The following SCAPER variants were observed in gnomAD, a reference collection of about 807,000 sequenced individuals.
SCAPER encodes S-phase cyclin A associated protein in the ER, also known as S phase cyclin A-associated protein in the endoplasmic reticulum.
Under a neutral mutation model 182.2 loss-of-function variants are expected in SCAPER, and 98 were observed. That is an observed-to-expected ratio of 0.54 (90% CI 0.46 to 0.64). SCAPER has a LOEUF of 0.64. Ranked by LOEUF, SCAPER falls within the 30% of genes least tolerant of loss-of-function variation. The probability of loss-of-function intolerance (pLI) is 0.00; values close to 1 mark genes in which losing one functional copy is unlikely to be tolerated. For synonymous variants in SCAPER, 605 were observed against 564.6 expected (o/e 1.07, Z -1.01); for missense variants, 1,432 against 1,690.0 (o/e 0.85, Z 2.68).
intron 25 of SCAPER, among the ~76,000 whole-genome samples, chr15:76,450,458 C>T (rs574416557): frequency 3.3e-5 from 5 of 152,076 alleles, no homozygotes; most frequent in Middle Eastern, 3.4e-3. Context: ...TATTTTTTTC[C>T]CTTCTAAATC....
intron 24 of SCAPER, among the ~76,000 whole-genome samples, chr15:76,477,591 GA>G (rs996738007): frequency 6.6e-6 from 1 of 151,552 alleles, no homozygotes; most frequent in African/African-American, 2.4e-5. Flanking sequence ...CTGCCCTCCA[GA>G]AAAAAAATTG....
At chr15:76,827,515 T>C (rs759771327) in intron 5 of SCAPER, among the ~76,000 whole-genome samples, 10 of 152,036 alleles carry the variant, frequency 6.6e-5, no homozygotes, top group African/African-American at 2.4e-4. Context: ...ATAGAATTGA[T>C]CCAAGTTTTA....
intron 21 of SCAPER, among the ~76,000 whole-genome samples, chr15:76,657,413 T>C (rs1373762259): frequency 6.6e-6 from 1 of 151,682 alleles, no homozygotes; most frequent in Non-Finnish European, 1.5e-5. Context: ...ATAAAAAGCC[T>C]ATGAACCAGA....
intron 26 of SCAPER, among the ~76,000 whole-genome samples, chr15:76,424,695 G>T (rs2046298388): frequency 6.6e-6 from 1 of 152,204 alleles, no homozygotes; most frequent in African/African-American, 2.4e-5. Flanking sequence ...GTTAGTTGAT[G>T]TAGTTTCTTC....
At chr15:76,397,474 C>CTTTTTTTTTTT (rs71143321) in intron 27 of SCAPER, among the ~76,000 whole-genome samples, 1 of 71,540 alleles carries the variant, frequency 1.4e-5, no homozygotes, top group African/African-American at 5.5e-5. Context: ...TATTGGCAGA[C>CTTTTTTTTTTT]TTTTTTTTTT....
At chr15:76,590,007 T>A (rs2048986205) in intron 22 of SCAPER, among the ~76,000 whole-genome samples, 1 of 152,208 alleles carries the variant, frequency 6.6e-6, no homozygotes, top group Non-Finnish European at 1.5e-5. Context: ...ACTTTCACAA[T>A]TTGGGCACTC....
chr15:76,894,287 A>G (rs1302353018), intron 1 of SCAPER, among the ~76,000 whole-genome samples: 4 of 152,002 alleles, frequency 2.6e-5, no homozygotes, highest in Non-Finnish European at 5.9e-5. Flanking sequence ...TCAGCCTCAC[A>G]TGATGTGAAC....
chr15:76,819,968 G>A (rs1354152886), intron 5 of SCAPER, among the ~76,000 whole-genome samples: 1 of 152,196 alleles, frequency 6.6e-6, no homozygotes, highest in Non-Finnish European at 1.5e-5. Context: ...CATTTATGCA[G>A]CCAAAAGACA....
intron 17 of SCAPER, 63 bp downstream of exon 17, chr15:76,728,532 T>G (rs1351830641): frequency 1.9e-5 from 30 of 1,604,614 alleles, no homozygotes; most frequent in Non-Finnish European, 2.2e-5. Context: ...GTAAATGGCT[T>G]TAAGACCTCA....
At chr15:76,892,541 A>G (rs935875003) in intron 1 of SCAPER, among the ~76,000 whole-genome samples, 1 of 152,260 alleles carries the variant, frequency 6.6e-6, no homozygotes, top group Non-Finnish European at 1.5e-5. Context: ...TAAAGAAGAC[A>G]TTTATACAGC....
At chr15:76,650,386 A>G (rs1013956726) in intron 21 of SCAPER, among the ~76,000 whole-genome samples, 1 of 151,994 alleles carries the variant, frequency 6.6e-6, no homozygotes, top group Non-Finnish European at 1.5e-5. Flanking sequence ...TATTACACAG[A>G]GTAGGTTTTA....
chr15:76,825,476 T>A (rs1385074704), intron 5 of SCAPER, among the ~76,000 whole-genome samples: 3 of 152,188 alleles, frequency 2.0e-5, no homozygotes, highest in Non-Finnish European at 4.4e-5. Flanking sequence ...AAAACAAAAG[T>A]CCTTTCTCTT....
intron 5 of SCAPER, among the ~76,000 whole-genome samples, chr15:76,839,681 A>G (rs1412194049): frequency 6.6e-6 from 1 of 152,168 alleles, no homozygotes; most frequent in African/African-American, 2.4e-5. Flanking sequence ...CCATTCTTTT[A>G]ATCTATAACT....
intron 17 of SCAPER, among the ~76,000 whole-genome samples, chr15:76,709,363 T>C (rs1204200044): frequency 2.6e-5 from 4 of 152,110 alleles, no homozygotes; most frequent in South Asian, 2.1e-4. Context: ...CTCCATCTCT[T>C]GACCTCATGA....
At chr15:76,680,149 G>A (rs957173626) in intron 20 of SCAPER, among the ~76,000 whole-genome samples, 1 of 151,948 alleles carries the variant, frequency 6.6e-6, no homozygotes, top group African/African-American at 2.4e-5. Context: ...CCTTAGTTTC[G>A]AGTAGCTTCC....
At chr15:76,476,636 T>C in intron 24 of SCAPER, among the ~76,000 whole-genome samples, 1 of 112,294 alleles carries the variant, frequency 8.9e-6, no homozygotes, top group African/African-American at 3.3e-5. Context: ...AGAGACAGAG[T>C]CTCACTATGT....
chr15:76,550,894 G>C (rs532536472), intron 23 of SCAPER, among the ~76,000 whole-genome samples: 1 of 152,126 alleles, frequency 6.6e-6, no homozygotes, highest in South Asian at 2.1e-4. Flanking sequence ...ATTCTGACTG[G>C]TATGAGATGT....
At chr15:76,849,811 A>C (rs1380717295) in intron 4 of SCAPER, among the ~76,000 whole-genome samples, 2 of 152,220 alleles carry the variant, frequency 1.3e-5, no homozygotes. Context: ...TAAAGGAAAG[A>C]GGTTTAATTG....
chr15:76,568,530 T>A (rs1404527839), intron 23 of SCAPER, among the ~76,000 whole-genome samples: 1 of 152,068 alleles, frequency 6.6e-6, no homozygotes, highest in Non-Finnish European at 1.5e-5. Flanking sequence ...TAATTTTTTT[T>A]ATTTTTAGTA....
Sources: allele counts gnomAD v4.1 joint callset (sites outside exome capture counted in the v4.1 genomes callset), GRCh38; gene constraint gnomAD v4.1.1; transcripts MANE v1.5; gene names NCBI Gene and HGNC (gene_info 2026-07-23, HGNC 2026-07-21).